Variants in CNTNAP2 observed in about 807,000 individuals in gnomAD.
CNTNAP2 encodes the protein contactin-associated protein-like 2.
In CNTNAP2, 98 loss-of-function variants were observed where a neutral mutation model predicts 155.2. The ratio of observed to expected loss-of-function variants is 0.63; its 90% CI spans 0.54 to 0.75. The LOEUF (loss-of-function observed/expected upper bound fraction) is 0.75. CNTNAP2 is among the 30% of genes least tolerant of loss of function. The pLI is 0.00. For missense variants in CNTNAP2, 1,727 were observed against 1,688.1 expected, an observed-to-expected ratio of 1.02 and a Z score of -0.40; for synonymous variants, 651 against 631.2, an observed-to-expected ratio of 1.03 and a Z score of -0.47.
chr7:146,655,105 C>T (rs941353255), intron 1 of CNTNAP2, among the ~76,000 whole-genome samples: 4 of 151,884 alleles, frequency 2.6e-5, no homozygotes, highest in East Asian at 1.9e-4. Context: ...AGTCACAATA[C>T]GTGAAATGAA....
intron 1 of CNTNAP2, among the ~76,000 whole-genome samples, chr7:146,291,517 A>G (rs1800428804): frequency 1.3e-5 from 2 of 152,122 alleles, no homozygotes. Flanking sequence ...TATGTGTCCA[A>G]TAAAGCCTAA....
chr7:148,086,064 C>A (rs376044894), intron 15 of CNTNAP2, among the ~76,000 whole-genome samples: 3 of 152,126 alleles, frequency 2.0e-5, no homozygotes, highest in African/African-American at 2.4e-5. Context: ...TATGAAACAA[C>A]CTTCAGATGT....
intron 8 of CNTNAP2, among the ~76,000 whole-genome samples, chr7:147,223,738 C>T (rs756982758): frequency 2.0e-5 from 3 of 151,886 alleles, no homozygotes; most frequent in African/African-American, 4.8e-5. Flanking sequence ...GTCAGGAGAT[C>T]GAGACCATCC....
intron 1 of CNTNAP2, among the ~76,000 whole-genome samples, chr7:146,722,954 G>A (rs1447622954): frequency 2.0e-5 from 3 of 152,120 alleles, no homozygotes; most frequent in African/African-American, 7.2e-5. Context: ...GGCAGAGTTT[G>A]CAGTGAGCCA....
At chr7:148,339,907 C>T (rs1345346145) in intron 21 of CNTNAP2, among the ~76,000 whole-genome samples, 1 of 151,772 alleles carries the variant, frequency 6.6e-6, no homozygotes, top group Non-Finnish European at 1.5e-5. Context: ...CAAGTCTACT[C>T]CACAGGGTCA....
chr7:146,384,163 A>G (rs949334038), intron 1 of CNTNAP2, among the ~76,000 whole-genome samples: 2 of 152,248 alleles, frequency 1.3e-5, no homozygotes, highest in Admixed American at 1.3e-4. Context: ...AATATATCAG[A>G]AAGTAAAAGT....
chr7:146,757,116 C>A (rs967085565), intron 1 of CNTNAP2, among the ~76,000 whole-genome samples: 18 of 151,976 alleles, frequency 1.2e-4, no homozygotes, highest in Non-Finnish European at 1.9e-4. Context: ...TGAAAAAGAA[C>A]AAATGCGATG....
intron 11 of CNTNAP2, among the ~76,000 whole-genome samples, chr7:147,516,851 T>TC (rs1799137246): frequency 1.4e-5 from 2 of 145,082 alleles, no homozygotes; most frequent in South Asian, 2.2e-4. Flanking sequence ...TTCTTTTCTT[T>TC]TTTTTTTTTT....
At chr7:146,816,449 C>T (rs1317293550) in intron 2 of CNTNAP2, among the ~76,000 whole-genome samples, 1 of 152,158 alleles carries the variant, frequency 6.6e-6, no homozygotes, top group Non-Finnish European at 1.5e-5. Flanking sequence ...AATCGAGGAC[C>T]TCACCAACTG....
At chr7:147,372,733 T>A (rs192786501) in intron 9 of CNTNAP2, among the ~76,000 whole-genome samples, 314 of 151,502 alleles carry the variant, frequency 2.1e-3, no homozygotes, top group Middle Eastern at 3.4e-3. Context: ...AATACTTTTT[T>A]AAAAAAAAAT....
intron 21 of CNTNAP2, among the ~76,000 whole-genome samples, chr7:148,355,296 C>CGGAG (rs1798495015): frequency 6.7e-6 from 1 of 149,326 alleles, no homozygotes; most frequent in African/African-American, 2.5e-5. Flanking sequence ...ATTCTCCTGC[C>CGGAG]TCAGCCTCCG....
At chr7:148,385,364 A>G (rs941973418) in intron 22 of CNTNAP2, among the ~76,000 whole-genome samples, 1 of 152,260 alleles carries the variant, frequency 6.6e-6, no homozygotes, top group Admixed American at 6.5e-5. Context: ...AGCATTCCTA[A>G]TGCTGAAAGA....
At chr7:148,253,551 G>T (rs1796407679) in intron 20 of CNTNAP2, among the ~76,000 whole-genome samples, 1 of 152,202 alleles carries the variant, frequency 6.6e-6, no homozygotes, top group Non-Finnish European at 1.5e-5. Flanking sequence ...CAGTCCCAGT[G>T]CTCAAGGTGG....
chr7:146,286,513 A>G (rs537464297), intron 1 of CNTNAP2, among the ~76,000 whole-genome samples: 1 of 152,208 alleles, frequency 6.6e-6, no homozygotes, highest in East Asian at 1.9e-4. Context: ...ATCATTAAGA[A>G]CTTTGCTTTT....
At chr7:148,190,085 G>A (rs1351776677) in intron 18 of CNTNAP2, 1 of 152,226 alleles carries the variant, frequency 6.6e-6, no homozygotes, top group Non-Finnish European at 1.5e-5. Flanking sequence ...AATCTGGACA[G>A]CCTTGGGACT....
intron 3 of CNTNAP2, among the ~76,000 whole-genome samples, chr7:146,877,085 A>G (rs1444988451): frequency 6.6e-6 from 1 of 152,170 alleles, no homozygotes; most frequent in Non-Finnish European, 1.5e-5. Flanking sequence ...CTTTCTCATT[A>G]TGTGCTTTGT....
intron 1 of CNTNAP2, among the ~76,000 whole-genome samples, chr7:146,654,612 G>C (rs2129164606): frequency 6.6e-6 from 1 of 152,300 alleles, no homozygotes; most frequent in African/African-American, 2.4e-5. Context: ...GGTTGTAGCA[G>C]TTGCTGAATT....
chr7:146,642,116 G>A (rs954850968), intron 1 of CNTNAP2, among the ~76,000 whole-genome samples: 1 of 151,246 alleles, frequency 6.6e-6, no homozygotes, highest in Non-Finnish European at 1.5e-5. Flanking sequence ...ATTTTGTTTT[G>A]TTTTGTTTTG....
At chr7:148,245,551 AC>A (rs57723444) in intron 20 of CNTNAP2, among the ~76,000 whole-genome samples, 27,242 of 152,086 alleles carry the variant, frequency 0.18, 2,531 homozygotes, top group Middle Eastern at 0.2. Context: ...TGCCAAGGGA[AC>A]CCAGGCAGAA....
Sources: gnomAD v4.1 joint callset for allele counts (sites outside exome capture counted in the v4.1 genomes callset) on GRCh38, gnomAD v4.1.1 for gene constraint, MANE v1.5 for transcripts, NCBI Gene and HGNC (gene_info 2026-07-23, HGNC 2026-07-21) for gene names.